The following IPO5 variants were observed in gnomAD, a reference collection of about 807,000 sequenced individuals.
IPO5 encodes the protein importin 5, also known as importin-5.
Under a neutral mutation model 143.3 loss-of-function variants are expected in IPO5, and 18 were observed. The observed-to-expected ratio is 0.13, with a 90% CI of 0.09 to 0.19. IPO5 has a LOEUF of 0.19. Among genes scored for constraint, IPO5 ranks in the 10% least tolerant of loss-of-function variants. IPO5 has a pLI of 1.00. For synonymous variants in IPO5, 477 were observed against 465.7 expected, an observed-to-expected ratio of 1.02 and a Z score of -0.31; for missense variants, 1,013 against 1,336.9, an observed-to-expected ratio of 0.76 and a Z score of 3.78.
intron 2 of IPO5, chr13:97,960,400 T>C (rs1884765121): frequency 6.6e-6 from 1 of 152,126 alleles, no homozygotes. Flanking sequence ...GATTCAGAAC[T>C]AAGGTAAAAA....
intron 9 of IPO5, 110 bp downstream of exon 9, chr13:97,990,647 A>G: frequency 1.7e-6 from 1 of 605,554 alleles, no homozygotes; most frequent in Non-Finnish European, 2.8e-6. Flanking sequence ...GGCGCTAGGC[A>G]TACAGCAGTG....
At chr13:98,013,886 A>G (rs542742948) in intron 21 of IPO5, among the ~76,000 whole-genome samples, 156 bp from the exon 22 acceptor site, 2 of 152,284 alleles carry the variant, frequency 1.3e-5, no homozygotes, top group East Asian at 1.9e-4. Flanking sequence ...GACAGGAGGT[A>G]TGTCTTTTCT....
rs778467964 is a variant in IPO5 at position 97,990,081 on chromosome 13, A to G, written c.468-45A>G. 4 of 1,126,956 alleles carry G rather than the reference A, an allele frequency of 3.5e-6. No homozygotes were observed. The South Asian group carries it at 3.8e-5, about 11-fold the overall frequency. 69.8% of individuals were successfully genotyped at this position (1,126,956 alleles called of 1,614,324 possible). On this transcript the variant is annotated intron_variant, in intron 7 of 28. Transcript: ENST00000651721. ...ATTCTAGCTCATACTTTACCAAGAT[A>G]TTAATATAATGTAGTTTTTAAAGAA...
rs1473691504 is a variant in IPO5 at position 98,022,067 on chromosome 13, A to G, written c.*245A>G. 5.6e-6 allele frequency: 2 copies of G among 356,110 alleles called. No homozygotes were observed. Among genetic ancestry groups the G allele is most frequent in the Admixed American group, 8.4e-5 (2 of 23,934 alleles). The allele number at this position is 356,110 out of a possible 1,614,324, so 22.1% of individuals were successfully genotyped here. ...AGCTAGCACTGAAGACTATTTTTCT[A>G]TTGGTATAACCCGCCCACCTGAAGG... On this transcript the variant is annotated 3_prime_UTR_variant, in exon 29 of 29. Transcript: ENST00000651721.
At chr13:97,972,584 C>A (rs1885910079) in intron 3 of IPO5, among the ~76,000 whole-genome samples, 1 of 152,214 alleles carries the variant, frequency 6.6e-6, no homozygotes. Context: ...AAATTTGCCT[C>A]CAGCACTTAA....
At chr13:97,966,441 G>A (rs1885344791) in intron 2 of IPO5, among the ~76,000 whole-genome samples, 1 of 152,136 alleles carries the variant, frequency 6.6e-6, no homozygotes, top group Non-Finnish European at 1.5e-5. Flanking sequence ...ATTTTCATAT[G>A]TTATGCCAAC....
chr13:97,976,187 CCGGCCAGGCCTCAGGCCCCTTGCCG>C (rs1374385681), intron 3 of IPO5, among the ~76,000 whole-genome samples: 1 of 151,806 alleles, frequency 6.6e-6, no homozygotes, highest in African/African-American at 2.4e-5. Flanking sequence ...CCCCTCCTCC[CCGGCCAGGCCTCAGGCCCCTTGCCG>C]CGGCCGGGCC....
intron 2 of IPO5, among the ~76,000 whole-genome samples, chr13:97,963,556 G>A (rs569462837): frequency 1.3e-5 from 2 of 152,054 alleles, no homozygotes; most frequent in African/African-American, 4.8e-5. Context: ...TTTTAGTACA[G>A]ATGGGGTTTC....
In IPO5 at chr13:98,023,407, G is replaced by C. The variant is rs1042670083; in HGVS notation, c.*1585G>C. On this transcript the variant is annotated 3_prime_UTR_variant, in exon 29 of 29. Coordinates refer to ENST00000651721, the MANE Select transcript of IPO5 (RefSeq NM_002271.6). ...CAACCCCTTTCTGCTTTCTTATGTA[G>C]CATCTGCAAAGCCGATTCATGTACT... 6.6e-6 allele frequency: 1 copy of C among 152,132 alleles called. No homozygotes were observed. The highest frequency in any genetic ancestry group is 1.5e-5 in the Non-Finnish European group (1 of 68,028). 9.4% of individuals were successfully genotyped at this position (152,132 alleles called of 1,614,324 possible).
Position 97,965,755 on chromosome 13 carries a change from TTGTGTGTGTG to T in IPO5, c.-112-3945_-112-3936del, listed in dbSNP as rs35443379. Among the ~76,000 whole-genome samples the T allele has an allele frequency of 2.1e-3, 312 of 146,774 alleles. 2 individuals carry two copies. Among genetic ancestry groups the T allele is most frequent in the African/African-American group, 7.5e-3 (297 of 39,488 alleles). On this transcript the variant is annotated intron_variant, in intron 2 of 28. Coordinates refer to ENST00000651721, the MANE Select transcript of IPO5 (RefSeq NM_002271.6). Reference sequence around the variant, plus strand: ...AACTTGTTTTGTTTGTTCTAATAGTTTGTGTGTGTGTGTGTGTGTGTGTGTGTGTGTGCTT... The same window carrying T: ...AACTTGTTTTGTTTGTTCTAATAGTTTGTGTGTGTGTGTGTGTGTGTGCTT...
At chr13:97,997,489 TAA>T (rs746603864) in intron 11 of IPO5, 40 bp from the exon 12 acceptor site, 1 of 1,124,314 alleles carries the variant, frequency 8.9e-7, no homozygotes, top group Non-Finnish European at 1.3e-6. Flanking sequence ...ATGGATAAGA[TAA>T]AGTCACAGTC....
chr13:98,017,166 C>A (rs997271261), intron 25 of IPO5, among the ~76,000 whole-genome samples: 1 of 151,598 alleles, frequency 6.6e-6, no homozygotes, highest in African/African-American at 2.4e-5. Flanking sequence ...ATGGTTACTT[C>A]TTTTTTAGTG....
chr13:97,983,730 T>C (rs994366636), intron 5 of IPO5, among the ~76,000 whole-genome samples: 16 of 152,108 alleles, frequency 1.1e-4, no homozygotes, highest in African/African-American at 3.9e-4. Context: ...AAAATGCTTA[T>C]CCTTGATGGA....
intron 9 of IPO5, among the ~76,000 whole-genome samples, chr13:97,991,325 CATAAT>C (rs1175166686): frequency 6.6e-6 from 1 of 152,158 alleles, no homozygotes; most frequent in African/African-American, 2.4e-5. Flanking sequence ...CACTGGAAGA[CATAAT>C]AGACTAGGTG....
intron 28 of IPO5, 106 bp downstream of exon 28, chr13:98,021,239 T>G: frequency 1.9e-6 from 2 of 1,041,978 alleles, no homozygotes; most frequent in Non-Finnish European, 2.7e-6. Flanking sequence ...AATTTTATTT[T>G]TATATTTTCA....
At position 98,006,251 on chromosome 13, in the gene IPO5, A is replaced by G; in HGVS notation, c.1619A>G (p.His540Arg). Residue 540 changes from histidine (H) to arginine (R), a missense_variant, in exon 17 of 29, where the codon CAC (histidine) becomes CGC (arginine). By Grantham distance (29) the His-to-Arg change is conservative. Around this residue, in one of 2 missense-constraint regions of IPO5, gnomAD observed 685 missense variants for 994.9 expected, o/e 0.69. Transcript: ENST00000651721. Reference sequence around the variant, plus strand: ...GATTTATTTATGCCATCACTGAAGCACATCGTTGAGAATGCGGTTCAAAAA... The same window carrying G: ...GATTTATTTATGCCATCACTGAAGCGCATCGTTGAGAATGCGGTTCAAAAA... ...YYDLFMPSLK[H>R]IVENAVQKEL... The G allele has an allele frequency of 6.2e-7, 1 of 1,613,654 alleles. No homozygotes were observed.
chr13:97,982,378 G>A, intron 4 of IPO5, 125 bp from the exon 5 acceptor site: 1 of 629,648 alleles, frequency 1.6e-6, no homozygotes, highest in Non-Finnish European at 2.8e-6. Flanking sequence ...TGTCACAGAA[G>A]GTGTTAACAC....
intron 12 of IPO5, among the ~76,000 whole-genome samples, chr13:97,998,823 C>T (rs965486025): frequency 2.6e-5 from 4 of 152,066 alleles, no homozygotes; most frequent in African/African-American, 9.7e-5. Flanking sequence ...CTTCCCAGTG[C>T]ATTATACTAC....
Position 97,976,670 on chromosome 13 carries a change from C to T in IPO5, c.-4-23C>T, listed in dbSNP as rs199783465. 2,159 of 1,245,668 alleles carry T rather than the reference C, an allele frequency of 1.7e-3. 3 individuals are homozygous for T. Among genetic ancestry groups the T allele is most frequent in the Middle Eastern group, 6.9e-3 (32 of 4,660 alleles). 77.2% of individuals were successfully genotyped at this position (1,245,668 alleles called of 1,614,324 possible). ...GCGCCTCACGGCTCCTGTCTCCCCT[C>T]CCTCCTTCTCTCTCACGCCTAGCGC... On this transcript the variant is annotated intron_variant, in intron 3 of 28. Coordinates refer to ENST00000651721, the MANE Select transcript of IPO5 (RefSeq NM_002271.6).
Sources: gnomAD v4.1 joint callset for allele counts (sites outside exome capture counted in the v4.1 genomes callset) on GRCh38, gnomAD v4.1.1 for gene constraint, gnomAD v4.1.1 regional missense constraint, MANE v1.5 for transcripts, NCBI Gene and HGNC (gene_info 2026-07-23, HGNC 2026-07-21) for gene names.